Variants in SORCS1 observed in about 807,000 individuals in gnomAD.
The protein encoded by SORCS1 is sortilin related VPS10 domain containing receptor 1, also known as VPS10 domain-containing receptor SorCS1.
A neutral mutation model predicts 146.1 loss-of-function variants in SORCS1; 60 were observed. The observed-to-expected ratio is 0.41, with a 90% CI of 0.33 to 0.51. SORCS1 has a LOEUF of 0.51. Among genes scored for constraint, SORCS1 ranks in the 20% least tolerant of loss-of-function variants. The pLI is 0.21. For synonymous variants in SORCS1, 637 were observed against 584.0 expected (o/e 1.09, Z -1.31); for missense variants, 1,352 against 1,487.6 (o/e 0.91, Z 1.50).
At chr10:106,987,834 C>T (rs1377395414) in intron 1 of SORCS1, among the ~76,000 whole-genome samples, 2 of 152,106 alleles carry the variant, frequency 1.3e-5, no homozygotes, top group East Asian at 1.9e-4. Context: ...TTTCTTAACC[C>T]TATTTTAAAT....
At chr10:107,019,966 G>C (rs989652038) in intron 1 of SORCS1, among the ~76,000 whole-genome samples, 2 of 152,212 alleles carry the variant, frequency 1.3e-5, no homozygotes, top group African/African-American at 4.8e-5. Flanking sequence ...CAGAAAATCT[G>C]ACAAGGAGTT....
chr10:106,883,218 T>C (rs577843822), intron 2 of SORCS1, among the ~76,000 whole-genome samples: 2 of 152,134 alleles, frequency 1.3e-5, no homozygotes, highest in South Asian at 4.1e-4. Context: ...AACATAAGCA[T>C]GTTATAGGCC....
At chr10:107,135,240 G>A (rs986323472) in intron 1 of SORCS1, among the ~76,000 whole-genome samples, 1 of 152,128 alleles carries the variant, frequency 6.6e-6, no homozygotes, top group Non-Finnish European at 1.5e-5. Context: ...ATTCACATAT[G>A]TGCCTCTCTC....
chr10:106,612,798 C>G (rs1031685849), intron 21 of SORCS1, among the ~76,000 whole-genome samples: 1 of 152,096 alleles, frequency 6.6e-6, no homozygotes, highest in Non-Finnish European at 1.5e-5. Context: ...GCCTATTATT[C>G]CTAGTTCTAG....
chr10:106,830,666 C>T (rs973125868), intron 2 of SORCS1, among the ~76,000 whole-genome samples: 19 of 149,600 alleles, frequency 1.3e-4, no homozygotes, highest in African/African-American at 4.7e-4. Context: ...GAAACCAAGA[C>T]GGGTGAATCA....
At chr10:106,963,110 AT>A (rs749174613) in intron 1 of SORCS1, among the ~76,000 whole-genome samples, 1,693 of 76,152 alleles carry the variant, frequency 0.022, 23 homozygotes, top group African/African-American at 0.059. Context: ...AATGGCCAGA[AT>A]TTTTTTTTTT....
chr10:106,655,777 G>A (rs1001681553), intron 17 of SORCS1, among the ~76,000 whole-genome samples: 12 of 152,064 alleles, frequency 7.9e-5, no homozygotes, highest in East Asian at 1.9e-4. Context: ...AAATTGTGCC[G>A]TAATACAGAG....
At chr10:106,944,601 T>C (rs1212158058) in intron 2 of SORCS1, among the ~76,000 whole-genome samples, 3 of 152,240 alleles carry the variant, frequency 2.0e-5, no homozygotes, top group Admixed American at 6.5e-5. Context: ...ATCTTCTTTG[T>C]ATCTGGATTT....
chr10:106,589,185 G>A (rs1845441275), intron 24 of SORCS1, among the ~76,000 whole-genome samples: 1 of 152,176 alleles, frequency 6.6e-6, no homozygotes, highest in Non-Finnish European at 1.5e-5. Flanking sequence ...CATAACTTAC[G>A]AAGGGCACAT....
chr10:106,657,715 C>T (rs934728439), intron 17 of SORCS1, among the ~76,000 whole-genome samples: 1 of 150,388 alleles, frequency 6.6e-6, no homozygotes, highest in Non-Finnish European at 1.5e-5. Context: ...AATAAATAAA[C>T]ACTACTGACC....
chr10:107,042,840 C>T (rs574262451), intron 1 of SORCS1, among the ~76,000 whole-genome samples: 4 of 152,236 alleles, frequency 2.6e-5, no homozygotes, highest in African/African-American at 9.6e-5. Context: ...GAACCCCTGA[C>T]CTTAAATGAT....
chr10:106,608,289 A>T (rs911166669), intron 22 of SORCS1, among the ~76,000 whole-genome samples: 1 of 152,222 alleles, frequency 6.6e-6, no homozygotes, highest in Non-Finnish European at 1.5e-5. Flanking sequence ...CAATTTCTCA[A>T]TATTTCAGCT....
At chr10:106,971,062 CT>C (rs895303695) in intron 1 of SORCS1, among the ~76,000 whole-genome samples, 1 of 151,910 alleles carries the variant, frequency 6.6e-6, no homozygotes, top group Admixed American at 6.6e-5. Flanking sequence ...CTTCCAACAA[CT>C]TTTACAGCAT....
chr10:106,838,653 CT>C, intron 2 of SORCS1, among the ~76,000 whole-genome samples: 1 of 152,314 alleles, frequency 6.6e-6, no homozygotes, highest in Non-Finnish European at 1.5e-5. Context: ...TAGTTTTGCC[CT>C]TTCTAGAATG....
intron 23 of SORCS1, among the ~76,000 whole-genome samples, chr10:106,605,466 C>T (rs76202008): frequency 0.026 from 3,899 of 152,252 alleles, 77 homozygotes; most frequent in Non-Finnish European, 0.044. Flanking sequence ...CTCTTCCATA[C>T]TTGAAAAGAT....
At chr10:106,707,960 G>C (rs1255366159) in intron 7 of SORCS1, among the ~76,000 whole-genome samples, 1 of 152,176 alleles carries the variant, frequency 6.6e-6, no homozygotes, top group Non-Finnish European at 1.5e-5. Context: ...CCGTCATGTG[G>C]CCAGATGACC....
At chr10:106,760,047 C>G (rs1469071300) in intron 5 of SORCS1, among the ~76,000 whole-genome samples, 1 of 151,992 alleles carries the variant, frequency 6.6e-6, no homozygotes, top group Non-Finnish European at 1.5e-5. Context: ...AAACCATAAC[C>G]CACTATGATG....
chr10:107,000,396 G>A (rs978610731), intron 1 of SORCS1, among the ~76,000 whole-genome samples: 6 of 151,522 alleles, frequency 4.0e-5, no homozygotes, highest in African/African-American at 1.2e-4. Context: ...TCAGGAGATC[G>A]AGATCATCCT....
chr10:107,174,979 G>A, the SORCS1 span, among the ~76,000 whole-genome samples: 2 of 152,012 alleles, frequency 1.3e-5, no homozygotes, highest in Non-Finnish European at 2.9e-5. Flanking sequence ...TTAACAACAC[G>A]AATAGGTTTT....
Sources: allele counts gnomAD v4.1 joint callset (sites outside exome capture counted in the v4.1 genomes callset), GRCh38; gene constraint gnomAD v4.1.1; transcripts MANE v1.5; gene names NCBI Gene and HGNC (gene_info 2026-07-23, HGNC 2026-07-21).